CRYBA4: variants seen among roughly 807,000 people sequenced by gnomAD.
The protein encoded by CRYBA4 is beta-crystallin A4.
In CRYBA4, 30 loss-of-function variants were observed where a neutral mutation model predicts 31.7. The observed-to-expected ratio is 0.95, with a 90% CI of 0.71 to 1.28. The LOEUF (loss-of-function observed/expected upper bound fraction) is 1.28, where lower values mean the gene tolerates loss of function less well. Among genes scored for constraint, CRYBA4 ranks in the 50% most tolerant of loss-of-function variants. The pLI is 0.00. For synonymous variants in CRYBA4, 102 were observed against 102.3 expected, an observed-to-expected ratio of 1.00 and a Z score of 0.02; for missense variants, 225 against 260.7, an observed-to-expected ratio of 0.86 and a Z score of 0.94.
At chr22:26,607,985 C>T in the CRYBA4 span, 1 of 1,614,202 alleles carries the variant, frequency 6.2e-7, no homozygotes, top group Non-Finnish European at 8.5e-7. Context: ...GGATGAACAT[C>T]TCCCCGCGGA....
the CRYBA4 span, among the ~76,000 whole-genome samples, chr22:26,594,052 T>C: frequency 6.6e-6 from 1 of 152,182 alleles, no homozygotes; most frequent in African/African-American, 2.4e-5. Context: ...CCCTTTCTAG[T>C]ACACTGATAG....
At chr22:26,622,762 A>C (rs1929573193) in intron 2 of CRYBA4, 127 bp downstream of exon 2, 2 of 773,122 alleles carry the variant, frequency 2.6e-6, no homozygotes, top group Non-Finnish European at 4.6e-6. Flanking sequence ...AGAGTTGAGA[A>C]GGGACTTGTA....
At chr22:26,602,817 G>A in the CRYBA4 span, among the ~76,000 whole-genome samples, 1 of 151,946 alleles carries the variant, frequency 6.6e-6, no homozygotes, top group South Asian at 2.1e-4. Flanking sequence ...GTGGAACACA[G>A]ATCTAGGTTC....
Position 26,625,487 on chromosome 22 carries a change from G to C in CRYBA4, c.165G>C (p.Val55=), listed in dbSNP as rs80167939. The change falls in exon 4 of 6, where the codon GTG becomes GTC. Residue 55 remains valine, a synonymous_variant. Transcript: ENST00000354760. Reference sequence around the variant, plus strand: ...CTCTACCCTCTGTCTGCAGGTGGGTGGGCTTTGAGCATGCTGGCTTCCAAG... The same window carrying C: ...CTCTACCCTCTGTCTGCAGGTGGGTCGGCTTTGAGCATGCTGGCTTCCAAG... ...RSLKVLSGAW[V]GFEHAGFQGQ... 1.2e-6 allele frequency: 2 copies of C among 1,613,914 alleles called. No homozygotes were observed. Among genetic ancestry groups the C allele is most frequent in the East Asian group, 4.5e-5 (2 of 44,880 alleles).
chr22:26,591,720 G>A, the CRYBA4 span, among the ~76,000 whole-genome samples: 2 of 138,474 alleles, frequency 1.4e-5, no homozygotes, highest in East Asian at 2.1e-4. Context: ...CCACCTGGGC[G>A]ACAGAGTGAG....
At chr22:26,611,551 T>C in the CRYBA4 span, among the ~76,000 whole-genome samples, 1 of 149,908 alleles carries the variant, frequency 6.7e-6, no homozygotes, top group Non-Finnish European at 1.5e-5. Context: ...CTCGGCTCAC[T>C]GCAAGCTCCG....
At chr22:26,611,773 CG>C in the CRYBA4 span, among the ~76,000 whole-genome samples, 2 of 152,096 alleles carry the variant, frequency 1.3e-5, no homozygotes, top group Non-Finnish European at 1.5e-5. Flanking sequence ...CGCGCCCGGC[CG>C]GGCTAGAGTT....
chr22:26,593,380 G>A, the CRYBA4 span, among the ~76,000 whole-genome samples: 2 of 152,096 alleles, frequency 1.3e-5, no homozygotes, highest in African/African-American at 2.4e-5. Flanking sequence ...GCTCACTCCT[G>A]TAATTCCAGC....
rs1929681893 is a variant in CRYBA4, at chr22:26,625,620, G to C, written c.298G>C (p.Ala100Pro). ...RLTSFRPAAC[A>P]NHRDSRLTIF... ...CACCTCCTTCCGGCCTGCGGCCTGTGCTGTAAGTTCTACCACTGCTGCATC... is the reference window on the plus strand; with the variant it reads ...CACCTCCTTCCGGCCTGCGGCCTGTCCTGTAAGTTCTACCACTGCTGCATC... The change falls in exon 4 of 6, where the codon GCT becomes CCT. Residue 100 changes from alanine (A) to proline (P), a missense_variant and splice_region_variant. By Grantham distance (27) the Ala-to-Pro change is conservative. Transcript: ENST00000354760. 1 of 1,613,700 alleles carries C rather than the reference G, an allele frequency of 6.2e-7. No homozygotes were observed. Among genetic ancestry groups the C allele is most frequent in the Non-Finnish European group, 8.5e-7 (1 of 1,179,928 alleles).
chr22:26,616,326 C>T, the CRYBA4 span: 413 of 1,612,130 alleles, frequency 2.6e-4, no homozygotes, highest in Middle Eastern at 3.3e-4. Flanking sequence ...ACATGGTTCC[C>T]GCCTGCAAAA....
chr22:26,626,824 A>T (rs911959246), intron 4 of CRYBA4, among the ~76,000 whole-genome samples: 1 of 152,174 alleles, frequency 6.6e-6, no homozygotes, highest in Admixed American at 6.6e-5. Context: ...CCAAATCAAC[A>T]TCTACATCTA....
chr22:26,627,943 G>C (rs899570179), intron 4 of CRYBA4, among the ~76,000 whole-genome samples: 1 of 151,978 alleles, frequency 6.6e-6, no homozygotes, highest in Non-Finnish European at 1.5e-5. Flanking sequence ...CCACCGCGCC[G>C]GGCCTCTACA....
the CRYBA4 span, chr22:26,602,122 G>T: frequency 1.4e-6 from 2 of 1,468,280 alleles, no homozygotes; most frequent in East Asian, 2.3e-5. Context: ...AGATGAGCCT[G>T]TTCAGGCTGC....
the CRYBA4 span, among the ~76,000 whole-genome samples, chr22:26,604,589 G>A: frequency 6.6e-6 from 1 of 152,180 alleles, no homozygotes; most frequent in Non-Finnish European, 1.5e-5. Context: ...AAGGAGGAGT[G>A]CACAAAGCTG....
At chr22:26,608,082 C>A in the CRYBA4 span, 2 of 1,612,602 alleles carry the variant, frequency 1.2e-6, no homozygotes, top group Non-Finnish European at 1.7e-6. Flanking sequence ...AGCCCCCACT[C>A]CCTACTTGCC....
intron 4 of CRYBA4, among the ~76,000 whole-genome samples, chr22:26,627,355 CCCTCCTTTCTTTCTTT>C (rs1929734983): frequency 2.7e-5 from 1 of 36,408 alleles, no homozygotes; most frequent in Admixed American, 3.3e-4. Flanking sequence ...CTCCCTCCCT[CCCTCCTTTCTTTCTTT>C]CTTTCTTTCT....
At chr22:26,611,746 T>G in the CRYBA4 span, among the ~76,000 whole-genome samples, 3 of 152,050 alleles carry the variant, frequency 2.0e-5, no homozygotes, top group African/African-American at 7.2e-5. Flanking sequence ...AGTGCTGGGA[T>G]TACAGGCGTG....
chr22:26,612,986 T>C, the CRYBA4 span, among the ~76,000 whole-genome samples: 2 of 152,018 alleles, frequency 1.3e-5, no homozygotes, highest in African/African-American at 2.4e-5. Context: ...GGTCTCCCTC[T>C]CTCTCTGCAC....
intron 4 of CRYBA4, 58 bp downstream of exon 4, chr22:26,625,680 G>A (rs1449675901): frequency 3.2e-6 from 5 of 1,561,624 alleles, no homozygotes; most frequent in South Asian, 1.1e-5. Context: ...TGGGCACTTC[G>A]GAATCAAAGG....
Sources: allele counts gnomAD v4.1 joint callset (sites outside exome capture counted in the v4.1 genomes callset), GRCh38; gene constraint gnomAD v4.1.1; transcripts MANE v1.5; gene names NCBI Gene and HGNC (gene_info 2026-07-23, HGNC 2026-07-21).